TMEM120B: variants seen among roughly 807,000 people sequenced by gnomAD.
TMEM120B encodes transmembrane protein 120B.
TMEM120B carries 31 observed loss-of-function variants against 55.5 expected under a neutral mutation model. That is an observed-to-expected ratio of 0.56 (90% CI 0.42 to 0.75). The LOEUF (loss-of-function observed/expected upper bound fraction) is 0.75. TMEM120B is among the 30% of genes least tolerant of loss of function. The pLI is 0.00. For synonymous variants in TMEM120B, 203 were observed against 176.3 expected (o/e 1.15, Z -1.20); for missense variants, 399 against 425.5 (o/e 0.94, Z 0.55).
chr12:121,750,230 G>A (rs1329903111), intron 3 of TMEM120B, 150 bp from the exon 4 acceptor site: 13 of 726,708 alleles, frequency 1.8e-5, no homozygotes, highest in South Asian at 1.3e-4. Context: ...ATTCTCACTC[G>A]ATGTGGGGGC....
intron 1 of TMEM120B, among the ~76,000 whole-genome samples, chr12:121,734,953 A>G (rs931853622): frequency 4.6e-5 from 7 of 152,002 alleles, no homozygotes; most frequent in Non-Finnish European, 1.0e-4. Context: ...TTTAGTATAT[A>G]TGTACATAAC....
intron 5 of TMEM120B, among the ~76,000 whole-genome samples, chr12:121,760,129 C>CAAAA (rs1006164597): frequency 4.2e-4 from 20 of 47,424 alleles, no homozygotes; most frequent in South Asian, 2.9e-3. Context: ...AACTACGTCT[C>CAAAA]AAAAAAAAAA....
intron 1 of TMEM120B, among the ~76,000 whole-genome samples, chr12:121,734,857 G>C (rs1037466842): frequency 6.6e-6 from 1 of 151,624 alleles, no homozygotes; most frequent in Non-Finnish European, 1.5e-5. Flanking sequence ...AGGTTGCAGC[G>C]AGCTGAGATA....
At chr12:121,750,495 C>A in intron 4 of TMEM120B, 56 bp downstream of exon 4, 1 of 1,414,378 alleles carries the variant, frequency 7.1e-7, no homozygotes, top group Non-Finnish European at 9.9e-7. Context: ...CCCACACCCA[C>A]ACCCACACCC....
At chr12:121,739,735 G>T (rs910010304) in intron 1 of TMEM120B, among the ~76,000 whole-genome samples, 2 of 150,842 alleles carry the variant, frequency 1.3e-5, no homozygotes, top group African/African-American at 2.4e-5. Context: ...GCCTCCCAAA[G>T]TGCTGGGATT....
At chr12:121,737,005 C>T (rs541643269) in intron 1 of TMEM120B, among the ~76,000 whole-genome samples, 2 of 152,238 alleles carry the variant, frequency 1.3e-5, no homozygotes, top group East Asian at 1.9e-4. Flanking sequence ...GCTCCAAGAG[C>T]AACTAGTTCC....
At chr12:121,754,924 G>A (rs889120720) in intron 5 of TMEM120B, among the ~76,000 whole-genome samples, 2 of 152,132 alleles carry the variant, frequency 1.3e-5, no homozygotes, top group African/African-American at 2.4e-5. Flanking sequence ...GGCAAATGAC[G>A]AACCTCTCCC....
At chr12:121,752,267 G>A (rs201834321) in intron 5 of TMEM120B, 44 bp downstream of exon 5, 22 of 1,548,396 alleles carry the variant, frequency 1.4e-5, no homozygotes, top group African/African-American at 2.7e-5. Context: ...GCATGCAGAC[G>A]TCAGGTGGGG....
chr12:121,759,114 T>G, intron 5 of TMEM120B: 142 of 764,862 alleles, frequency 1.9e-4, no homozygotes, highest in Middle Eastern at 1.4e-3. Context: ...GAACATAGAG[T>G]GTCTACTGTT....
intron 1 of TMEM120B, among the ~76,000 whole-genome samples, chr12:121,725,176 C>CAGCTGGGG (rs2137007723): frequency 6.6e-6 from 1 of 152,248 alleles, no homozygotes; most frequent in South Asian, 2.1e-4. Flanking sequence ...TTGAAGTAGG[C>CAGCTGGGG]AGCTGGGGAG....
Position 121,779,945 on chromosome 12 carries a change from C to A in TMEM120B, c.*4223C>A. 1 of 291,996 alleles carries A rather than the reference C, an allele frequency of 3.4e-6. No homozygotes were observed. The highest frequency in any genetic ancestry group is 5.9e-6 in the Non-Finnish European group (1 of 169,004). The allele number at this position is 291,996 out of a possible 1,614,324, so 18.1% of individuals were successfully genotyped here. On this transcript the variant is annotated 3_prime_UTR_variant, in exon 12 of 12. Coordinates refer to ENST00000449592, the MANE Select transcript of TMEM120B (RefSeq NM_001080825.2). ...GAATCCTGAGACCCGGGGTTGGTTC[C>A]CCCAGGTGTCTCCCAGGCCTGTGAG...
chr12:121,733,873 A>G (rs534813850), intron 1 of TMEM120B, among the ~76,000 whole-genome samples: 12 of 151,736 alleles, frequency 7.9e-5, no homozygotes, highest in African/African-American at 2.4e-4. Context: ...TCCAAGACAT[A>G]TTATTGAGTG....
At chr12:121,772,324 T>C (rs182209440) in intron 8 of TMEM120B, among the ~76,000 whole-genome samples, 1 of 152,032 alleles carries the variant, frequency 6.6e-6, no homozygotes, top group African/African-American at 2.4e-5. Context: ...AAGATGAGAT[T>C]TCACCATGTT....
intron 6 of TMEM120B, among the ~76,000 whole-genome samples, chr12:121,765,461 C>T (rs1192978299): frequency 6.6e-6 from 1 of 152,030 alleles, no homozygotes; most frequent in Non-Finnish European, 1.5e-5. Flanking sequence ...CCTTTTATGG[C>T]ATATATGGTT....
chr12:121,719,873 G>A (rs1894764519), intron 1 of TMEM120B, among the ~76,000 whole-genome samples: 1 of 152,248 alleles, frequency 6.6e-6, no homozygotes, highest in Admixed American at 6.5e-5. Flanking sequence ...GCTAATTTTT[G>A]TATTTTTAGT....
chr12:121,768,795 G>T (rs1190852043), intron 6 of TMEM120B, among the ~76,000 whole-genome samples: 1 of 151,994 alleles, frequency 6.6e-6, no homozygotes, highest in Non-Finnish European at 1.5e-5. Flanking sequence ...TTCCTAGGCT[G>T]CCCCTGATGC....
intron 1 of TMEM120B, among the ~76,000 whole-genome samples, chr12:121,733,330 C>T (rs57889990): frequency 0.026 from 3,811 of 146,238 alleles, 173 homozygotes; most frequent in African/African-American, 0.091. Context: ...CTGCAAGCTC[C>T]GCCTCCTGGG....
chr12:121,753,986 G>A (rs532417962), intron 5 of TMEM120B, among the ~76,000 whole-genome samples: 2 of 152,356 alleles, frequency 1.3e-5, no homozygotes, highest in South Asian at 4.1e-4. Flanking sequence ...CTGCTGCCCT[G>A]CCTGGGCTGC....
At chr12:121,716,709 C>T (rs1172938935) in intron 1 of TMEM120B, among the ~76,000 whole-genome samples, 1 of 151,650 alleles carries the variant, frequency 6.6e-6, no homozygotes, top group Admixed American at 6.6e-5. Context: ...ATTACAGGCA[C>T]CCGCCACCGT....
Sources: allele counts gnomAD v4.1 joint callset (sites outside exome capture counted in the v4.1 genomes callset), GRCh38; gene constraint gnomAD v4.1.1; transcripts MANE v1.5; gene names NCBI Gene and HGNC (gene_info 2026-07-23, HGNC 2026-07-21).